Variants in NDUFA9 observed in about 807,000 individuals in gnomAD.
NDUFA9 encodes NADH:ubiquinone oxidoreductase subunit A9, also known as NADH dehydrogenase [ubiquinone] 1 alpha subcomplex subunit 9, mitochondrial.
NDUFA9 carries 23 observed loss-of-function variants against 45.9 expected under a neutral mutation model. That is an observed-to-expected ratio of 0.50 (90% CI 0.36 to 0.71). NDUFA9 has a LOEUF of 0.71. Ranked by LOEUF, NDUFA9 falls within the 30% of genes least tolerant of loss-of-function variation. The pLI, the probability that NDUFA9 is intolerant of heterozygous loss-of-function variation, is 0.00. For missense variants in NDUFA9, 466 were observed against 488.2 expected, an observed-to-expected ratio of 0.95 and a Z score of 0.43; for synonymous variants, 176 against 170.5, an observed-to-expected ratio of 1.03 and a Z score of -0.25.
chr12:4,680,451 T>C (rs978667408), intron 8 of NDUFA9, among the ~76,000 whole-genome samples: 15 of 152,112 alleles, frequency 9.9e-5, no homozygotes, highest in African/African-American at 3.4e-4. Context: ...AAATCTAAGC[T>C]GGGAGGATGC....
chr12:4,660,047 G>A (rs1441371662), intron 5 of NDUFA9, among the ~76,000 whole-genome samples: 1 of 152,158 alleles, frequency 6.6e-6, no homozygotes, highest in Non-Finnish European at 1.5e-5. Context: ...AATGGGAGGT[G>A]TCAATGGTGA....
intron 8 of NDUFA9, among the ~76,000 whole-genome samples, chr12:4,673,425 C>T (rs1945899615): frequency 6.6e-6 from 1 of 152,076 alleles, no homozygotes. Flanking sequence ...AGCTAAGAAC[C>T]TTGAGAAAAG....
chr12:4,673,578 G>A (rs1945900679), intron 8 of NDUFA9, among the ~76,000 whole-genome samples: 2 of 151,864 alleles, frequency 1.3e-5, no homozygotes, highest in African/African-American at 4.8e-5. Flanking sequence ...AAGCATATCA[G>A]AGATTGAAGA....
In NDUFA9 at chr12:4,687,971, C is replaced by CTA; in HGVS notation, c.*867_*868dup. 6.6e-6 allele frequency: 1 copy of CTA among 152,346 alleles called. No homozygotes were observed. Among genetic ancestry groups the CTA allele is most frequent in the South Asian group, 2.1e-4 (1 of 4,828 alleles). The allele number at this position is 152,346 out of a possible 1,614,324, so 9.4% of individuals were successfully genotyped here. A position where few individuals can be genotyped will look rare whatever the true frequency, so the allele number is the denominator to read the frequency against. On this transcript the variant is annotated 3_prime_UTR_variant, in exon 11 of 11. Transcript: ENST00000266544. ...TTTCACTGGACTTCAGCCTCCTGAT[C>CTA]TATATTTGGGACAGGGATGTCAGTA...
chr12:4,655,961 A>T (rs1000041979), intron 3 of NDUFA9: 5 of 152,156 alleles, frequency 3.3e-5, no homozygotes, highest in African/African-American at 1.2e-4. Flanking sequence ...ATTGATTGCG[A>T]TACTGTCTGG....
At chr12:4,660,196 A>T (rs1046785899) in intron 5 of NDUFA9, among the ~76,000 whole-genome samples, 3 of 152,148 alleles carry the variant, frequency 2.0e-5, no homozygotes, top group African/African-American at 7.2e-5. Flanking sequence ...TGCACATTAA[A>T]ACCACTGAGG....
In NDUFA9 at chr12:4,692,796, G is replaced by C. The variant is rs1029759196; in HGVS notation, c.*5688G>C. 4 of 152,222 alleles carry C rather than the reference G, an allele frequency of 2.6e-5. No homozygotes were observed. Among genetic ancestry groups the C allele is most frequent in the African/African-American group, 9.7e-5 (4 of 41,438 alleles). The allele number at this position is 152,222 out of a possible 1,614,324, so 9.4% of individuals were successfully genotyped here. A position where few individuals can be genotyped will look rare whatever the true frequency, so the allele number is the denominator to read the frequency against. On this transcript the variant is annotated 3_prime_UTR_variant, in exon 11 of 11. Transcript: ENST00000266544. ...GATAGCATAGTATATGATAGCAGTA[G>C]TATACGATAGCATGTGTGTGAGTCC...
chr12:4,655,994 A>T (rs1003373177), intron 3 of NDUFA9: 11 of 152,266 alleles, frequency 7.2e-5, no homozygotes, highest in Non-Finnish European at 1.5e-4. Context: ...AAATCTACTG[A>T]TCTTATAGCT....
intron 6 of NDUFA9, among the ~76,000 whole-genome samples, chr12:4,665,393 G>A (rs1442844154): frequency 2.0e-5 from 3 of 152,110 alleles, no homozygotes; most frequent in Non-Finnish European, 4.4e-5. Flanking sequence ...GTGCATTCCT[G>A]TTGTACCACG....
rs1197213940 is a variant in NDUFA9, at chr12:4,688,857, T to A, written c.*1749T>A. On this transcript the variant is annotated 3_prime_UTR_variant, in exon 11 of 11. Coordinates refer to ENST00000266544, the MANE Select transcript of NDUFA9 (RefSeq NM_005002.5). The stretch of plus-strand genomic sequence containing the variant: ...TTTTGGATGACACCCCTCCTGGCCA[T>A]AAGCCAGCCATTAGGCACAGAGATG... The A allele has an allele frequency of 6.6e-6, 1 of 152,226 alleles. No individual in the cohort carries two copies. The highest frequency in any genetic ancestry group is 2.4e-5 in the African/African-American group (1 of 41,452). The allele number at this position is 152,226 out of a possible 1,614,324, so 9.4% of individuals were successfully genotyped here.
rs12230096 is a variant in NDUFA9 at position 4,680,229 on chromosome 12, T to C, written c.801-1976T>C. On this transcript the variant is annotated intron_variant, in intron 8 of 10. Coordinates refer to ENST00000266544, the MANE Select transcript of NDUFA9 (RefSeq NM_005002.5). The stretch of plus-strand genomic sequence containing the variant: ...TTGCCAAGCAGAACTGAGTGTTCCA[T>C]TGGAAATTACTGATAAAAAAATAAG... Among the ~76,000 whole-genome samples the C allele has an allele frequency of 1.2e-3, 176 of 147,532 alleles. 1 individual carries two copies. The East Asian group carries it at 0.036, about 30-fold the overall frequency.
At chr12:4,659,218 G>C (rs1392924137) in intron 5 of NDUFA9, 41 bp downstream of exon 5, 4 of 1,545,868 alleles carry the variant, frequency 2.6e-6, no homozygotes, top group Non-Finnish European at 3.6e-6. Flanking sequence ...CACAGAGCCA[G>C]AGTTTCTTGG....
chr12:4,661,316 G>A (rs1028991758), intron 5 of NDUFA9, among the ~76,000 whole-genome samples: 2 of 152,150 alleles, frequency 1.3e-5, no homozygotes, highest in Admixed American at 1.3e-4. Flanking sequence ...GAAAAGAAAG[G>A]GATGTCTGAA....
rs112160120 is a variant in NDUFA9, at chr12:4,678,601, A to G, written c.801-3604A>G. ...ATATACAAAGAAATCTTAGAACTCA[A>G]TGAGAAGATGATCCATTTTTTAATA... is the stretch of plus-strand genomic sequence containing the variant. On this transcript the variant is annotated intron_variant, in intron 8 of 10. Coordinates refer to ENST00000266544, the MANE Select transcript of NDUFA9 (RefSeq NM_005002.5). Among the ~76,000 whole-genome samples, 920 of 152,314 alleles carry G rather than the reference A, an allele frequency of 6.0e-3. 13 individuals carry two copies. Among genetic ancestry groups the G allele is most frequent in the African/African-American group, 0.021 (879 of 41,572 alleles).
Position 4,692,062 on chromosome 12 carries a change from A to C in NDUFA9, c.*4954A>C, listed in dbSNP as rs1339650976. On this transcript the variant is annotated 3_prime_UTR_variant, in exon 11 of 11. Transcript: ENST00000266544. ...TGTAAAACTGGCAAGAGGCTGAGGG[A>C]AGATGTATGTCTCAAAGGGGAACTC... 6.6e-6 allele frequency: 1 copy of C among 152,084 alleles called. No homozygotes were observed. Among genetic ancestry groups the C allele is most frequent in the Non-Finnish European group, 1.5e-5 (1 of 68,024 alleles). 9.4% of individuals were successfully genotyped at this position (152,084 alleles called of 1,614,324 possible).
intron 6 of NDUFA9, 107 bp downstream of exon 6, chr12:4,662,742 C>A: frequency 1.2e-6 from 1 of 850,496 alleles, no homozygotes; most frequent in Non-Finnish European, 1.8e-6. Context: ...TATATTTTTT[C>A]TTTCCCAGTT....
chr12:4,649,881 C>T (rs887568576), intron 1 of NDUFA9, among the ~76,000 whole-genome samples: 6 of 152,274 alleles, frequency 3.9e-5, no homozygotes, highest in Admixed American at 3.3e-4. Context: ...TGCTCCCACT[C>T]CTCAAACTGA....
chr12:4,685,773 G>A (rs1454345759), intron 10 of NDUFA9, among the ~76,000 whole-genome samples: 3 of 151,988 alleles, frequency 2.0e-5, no homozygotes, highest in Admixed American at 6.6e-5. Context: ...TCTTTTCAAG[G>A]TTATCCACAA....
At chr12:4,684,852 T>C (rs1380018033) in intron 9 of NDUFA9, 1 of 434,708 alleles carries the variant, frequency 2.3e-6, no homozygotes. Flanking sequence ...AGGGGTTACG[T>C]TGTATATTTT....
Sources: gnomAD v4.1 joint callset for allele counts (sites outside exome capture counted in the v4.1 genomes callset) on GRCh38, gnomAD v4.1.1 for gene constraint, MANE v1.5 for transcripts, NCBI Gene and HGNC (gene_info 2026-07-23, HGNC 2026-07-21) for gene names.